Variants in NHEJ1 observed in about 807,000 individuals in gnomAD.
NHEJ1 encodes non-homologous end-joining factor 1.
In NHEJ1, 22 loss-of-function variants were observed where a neutral mutation model predicts 39.4. The observed-to-expected ratio is 0.56, with a 90% CI of 0.40 to 0.80. The LOEUF is 0.80. NHEJ1 is among the 30% of genes least tolerant of loss of function. The pLI is 0.00. For synonymous variants in NHEJ1, 154 were observed against 135.6 expected (o/e 1.14, Z -0.94); for missense variants, 329 against 357.1 (o/e 0.92, Z 0.63).
In NHEJ1 at chr2:219,130,441, A is replaced by C. The variant is rs550558951; in HGVS notation, c.588+16239T>G. On this transcript the variant is annotated intron_variant, in intron 5 of 7. Transcript: ENST00000356853. ...GTATTAGGGCTCTCAAGATCAGAGG[A>C]ACAAAACTCTGGGAAGTCCTCTGAC... 1.5e-4 allele frequency among the ~76,000 whole-genome samples: 23 copies of C among 152,276 alleles called. 1 individual carries two copies. Among genetic ancestry groups the C allele is most frequent in the African/African-American group, 5.1e-4 (21 of 41,550 alleles).
chr2:219,104,707 C>T (rs540884267), intron 5 of NHEJ1, among the ~76,000 whole-genome samples: 1 of 149,956 alleles, frequency 6.7e-6, no homozygotes, highest in South Asian at 2.1e-4. Flanking sequence ...AGGCACCCCC[C>T]CACACACACA....
intron 5 of NHEJ1, among the ~76,000 whole-genome samples, chr2:219,144,845 A>T (rs1343799010): frequency 6.6e-6 from 1 of 152,176 alleles, no homozygotes. Context: ...AAGCTATCTA[A>T]GAGAAAAACG....
chr2:219,114,406 T>G (rs1007756633), intron 5 of NHEJ1, among the ~76,000 whole-genome samples: 1 of 152,242 alleles, frequency 6.6e-6, no homozygotes, highest in Non-Finnish European at 1.5e-5. Context: ...GCAGATCATG[T>G]GCCTGGACTG....
chr2:219,139,952 TACAGGCGTA>T (rs1490171472), intron 5 of NHEJ1, among the ~76,000 whole-genome samples: 1 of 152,268 alleles, frequency 6.6e-6, no homozygotes, highest in African/African-American at 2.4e-5. Context: ...GTGCTGCGAT[TACAGGCGTA>T]AGCCACCGCA....
chr2:219,077,408 T>A, intron 6 of NHEJ1, 44 bp from the exon 7 acceptor site: 1 of 1,407,240 alleles, frequency 7.1e-7, no homozygotes, highest in South Asian at 1.2e-5. Context: ...AAATGCCTTC[T>A]TCTTACCAGG....
At position 219,078,176 on chromosome 2, in the gene NHEJ1, C is replaced by G. The variant is rs1186946797; in HGVS notation, c.619G>C (p.Gly207Arg). The change falls in exon 6 of 8, where the codon GGA (glycine) becomes CGA (arginine). Residue 207 changes from glycine to arginine, a missense_variant. Gly to Arg is a moderately radical substitution (Grantham distance 125). Coordinates refer to ENST00000356853, the MANE Select transcript of NHEJ1 (RefSeq NM_024782.3). ...TGCAGATTCATGACAAAGGGCTTTC[C>G]ATCACCAATGCTGCATGCCTCTGGC... ...KLPEACSIGD[G>R]KPFVMNLQDL... 1.2e-6 allele frequency: 2 copies of G among 1,614,116 alleles called. No individual in the cohort carries two copies. Among genetic ancestry groups the G allele is most frequent in the South Asian group, 2.2e-5 (2 of 91,076 alleles).
chr2:219,145,810 T>C (rs778374259), intron 5 of NHEJ1, among the ~76,000 whole-genome samples: 15 of 151,968 alleles, frequency 9.9e-5, no homozygotes, highest in Non-Finnish European at 2.2e-4. Context: ...CACATGCCTG[T>C]AATCCCAGCT....
Position 219,074,725 on chromosome 2 carries a change from A to G in NHEJ1, c.*1656T>C, listed in dbSNP as rs1444273550. 1.3e-5 allele frequency among the ~76,000 whole-genome samples: 2 copies of G among 151,710 alleles called. No homozygotes were observed. Among genetic ancestry groups the G allele is most frequent in the Admixed American group, 1.3e-4 (2 of 15,248 alleles). Reference sequence around the variant, plus strand: ...CGATTGTACTCCAGCCTAGGCAACAAGAGCAAGACTCCATTAAAAAAAAAA... The same window carrying G: ...CGATTGTACTCCAGCCTAGGCAACAGGAGCAAGACTCCATTAAAAAAAAAA... On this transcript the variant is annotated 3_prime_UTR_variant, in exon 8 of 8. Transcript: ENST00000356853.
rs1231057416 is a variant in NHEJ1, at chr2:219,160,131, T to A, written c.-1+589A>T. Among the ~76,000 whole-genome samples, 3 of 152,168 alleles carry A rather than the reference T, an allele frequency of 2.0e-5. 1 individual carries two copies. The highest frequency in any genetic ancestry group is 4.4e-5 in the Non-Finnish European group (3 of 68,032). ...TTAACGAGATTCACGGGTTTATTTCTCTTGAGTGGAGGGGCGCTGAGCGGC... is the reference window on the plus strand; with the variant it reads ...TTAACGAGATTCACGGGTTTATTTCACTTGAGTGGAGGGGCGCTGAGCGGC... On this transcript the variant is annotated intron_variant, in intron 1 of 7. Transcript: ENST00000356853.
chr2:219,114,893 A>G (rs1195517788), intron 5 of NHEJ1, among the ~76,000 whole-genome samples: 2 of 152,206 alleles, frequency 1.3e-5, no homozygotes, highest in African/African-American at 4.8e-5. Flanking sequence ...CTGCCGACTT[A>G]CCAGGCCTAA....
intron 5 of NHEJ1, among the ~76,000 whole-genome samples, chr2:219,078,504 A>C (rs942470172): frequency 2.6e-5 from 4 of 152,334 alleles, no homozygotes; most frequent in Admixed American, 6.5e-5. Flanking sequence ...GATTTCTTAG[A>C]AGGCTATTTT....
intron 5 of NHEJ1, among the ~76,000 whole-genome samples, chr2:219,138,174 G>A (rs969387389): frequency 6.6e-6 from 1 of 152,156 alleles, no homozygotes; most frequent in South Asian, 2.1e-4. Context: ...TGGAAGTGGA[G>A]CCCTTGTGAC....
chr2:219,132,152 T>C (rs1949584839), intron 5 of NHEJ1, among the ~76,000 whole-genome samples: 1 of 152,262 alleles, frequency 6.6e-6, no homozygotes, highest in African/African-American at 2.4e-5. Context: ...ATTTCCTTCA[T>C]TGAGCTACTG....
Position 219,070,870 on chromosome 2 carries a change from C to T in NHEJ1, c.*5511G>A, listed in dbSNP as rs1948950192. Among the ~76,000 whole-genome samples the T allele has an allele frequency of 6.6e-6, 1 of 152,212 alleles. No homozygotes were observed. The highest frequency in any genetic ancestry group is 1.5e-5 in the Non-Finnish European group (1 of 68,034). ...CAAGTAGGGCCATCAGTATCACCTT[C>T]AAATGTCATCACACCGTTATTAGTA... On this transcript the variant is annotated 3_prime_UTR_variant, in exon 8 of 8. Coordinates refer to ENST00000356853, the MANE Select transcript of NHEJ1 (RefSeq NM_024782.3).
At chr2:219,076,523 T>C in intron 7 of NHEJ1, 68 bp from the exon 8 acceptor site, 1 of 1,426,778 alleles carries the variant, frequency 7.0e-7, no homozygotes. Context: ...GAAAGGAACT[T>C]TCTTCCTCTC....
Position 219,157,513 on chromosome 2 carries a change from A to AG in NHEJ1, c.348dup (p.Phe117LeufsTer11), listed in dbSNP as rs866691066. On this transcript the variant is annotated frameshift_variant, in exon 3 of 8. Coordinates refer to ENST00000356853, the MANE Select transcript of NHEJ1 (RefSeq NM_024782.3). LOFTEE classifies it high-confidence loss of function. ...AGCATGCAGTGGAAATTCCAATAGAAGGGGAGGCCAGAGAGCTCACTTCGC... is the reference window on the plus strand; with the variant it reads ...AGCATGCAGTGGAAATTCCAATAGAAGGGGGAGGCCAGAGAGCTCACTTCGC... The AG allele has an allele frequency of 1.9e-6, 3 of 1,614,046 alleles. No homozygotes were observed. In the African/African-American group the frequency reaches 4.0e-5, roughly 22 times the overall value.
rs74477376 is a variant in NHEJ1 at position 219,147,913 on chromosome 2, A to G, written c.391-118T>C. 3.6e-4 allele frequency: 354 copies of G among 979,920 alleles called. 1 individual carries two copies. In the African/African-American group the frequency reaches 4.0e-3, roughly 11 times the overall value. The allele number at this position is 979,920 out of a possible 1,614,324, so 60.7% of individuals were successfully genotyped here. ...TGTTCTTACAGAAACTTATAGTTTCATAGGCAAGTAACCCATTTACATGAA... is the reference window on the plus strand; with the variant it reads ...TGTTCTTACAGAAACTTATAGTTTCGTAGGCAAGTAACCCATTTACATGAA... On this transcript the variant is annotated intron_variant, in intron 3 of 7. Coordinates refer to ENST00000356853, the MANE Select transcript of NHEJ1 (RefSeq NM_024782.3).
intron 5 of NHEJ1, among the ~76,000 whole-genome samples, chr2:219,092,336 A>G (rs1196498426): frequency 6.6e-6 from 1 of 152,182 alleles, no homozygotes; most frequent in Admixed American, 6.5e-5. Flanking sequence ...AAACCAATTA[A>G]CTGAAATGTT....
At chr2:219,139,708 G>A (rs531940225) in intron 5 of NHEJ1, among the ~76,000 whole-genome samples, 8 of 152,074 alleles carry the variant, frequency 5.3e-5, no homozygotes, top group South Asian at 2.1e-4. Context: ...ACAGAGTCTC[G>A]CTCTTTCGCC....
Sources: allele counts gnomAD v4.1 joint callset (sites outside exome capture counted in the v4.1 genomes callset), GRCh38; gene constraint gnomAD v4.1.1; transcripts MANE v1.5; gene names NCBI Gene and HGNC (gene_info 2026-07-23, HGNC 2026-07-21).